The following MRE11 variants were observed in gnomAD, a reference collection of about 807,000 sequenced individuals.
MRE11 encodes the protein double-strand break repair protein MRE11.
Under a neutral mutation model 91.7 loss-of-function variants are expected in MRE11, and 62 were observed. That is an observed-to-expected ratio of 0.68 (90% CI 0.55 to 0.84). MRE11 has a LOEUF of 0.84. MRE11 is among the 40% of genes least tolerant of loss of function. The pLI is 0.00. For missense variants in MRE11, 796 were observed against 852.9 expected, an observed-to-expected ratio of 0.93 and a Z score of 0.83; for synonymous variants, 273 against 271.4, an observed-to-expected ratio of 1.01 and a Z score of -0.06.
chr11:94,469,244 T>C (rs1946645706), intron 9 of MRE11, among the ~76,000 whole-genome samples: 3 of 152,134 alleles, frequency 2.0e-5, no homozygotes, highest in Admixed American at 2.0e-4. Flanking sequence ...ACTTTGCTTC[T>C]CTAAGGACAT....
chr11:94,502,599 AT>A, the MRE11 span, among the ~76,000 whole-genome samples: 1 of 152,240 alleles, frequency 6.6e-6, no homozygotes, highest in Non-Finnish European at 1.5e-5. Context: ...ACTTTTAAAT[AT>A]GCTTGCCATT....
At chr11:94,510,879 A>C in the MRE11 span, among the ~76,000 whole-genome samples, 4 of 152,268 alleles carry the variant, frequency 2.6e-5, no homozygotes, top group Non-Finnish European at 5.9e-5. Flanking sequence ...ACTCTGTTCA[A>C]ATCAAATCTT....
chr11:94,426,060 A>T (rs1197838284), intron 19 of MRE11, among the ~76,000 whole-genome samples: 2 of 152,222 alleles, frequency 1.3e-5, no homozygotes, highest in Non-Finnish European at 2.9e-5. Flanking sequence ...ATATTCTAAG[A>T]TAGATCACGT....
chr11:94,486,122 T>C, intron 3 of MRE11, 38 bp from the exon 4 acceptor site: 2 of 1,608,410 alleles, frequency 1.2e-6, no homozygotes, highest in Non-Finnish European at 1.7e-6. Context: ...TAGTATGTTT[T>C]ACAGGTAAAA....
At chr11:94,506,192 T>C in the MRE11 span, among the ~76,000 whole-genome samples, 2 of 151,954 alleles carry the variant, frequency 1.3e-5, no homozygotes, top group Non-Finnish European at 1.5e-5. Flanking sequence ...TTCAGTTTTT[T>C]TTTTGGGTAA....
chr11:94,421,138 AAAC>A (rs1242432739), intron 19 of MRE11, among the ~76,000 whole-genome samples: 1 of 152,232 alleles, frequency 6.6e-6, no homozygotes, highest in Non-Finnish European at 1.5e-5. Context: ...AAGAGAATGA[AAAC>A]AAACCTCAGA....
intron 11 of MRE11, among the ~76,000 whole-genome samples, chr11:94,461,989 G>C (rs537269441): frequency 1.3e-5 from 2 of 152,088 alleles, no homozygotes; most frequent in Non-Finnish European, 2.9e-5. Context: ...GCAGGAGAAT[G>C]GCGTGAACCT....
intron 11 of MRE11, among the ~76,000 whole-genome samples, chr11:94,462,693 T>C (rs1044470322): frequency 2.0e-5 from 3 of 152,310 alleles, no homozygotes; most frequent in South Asian, 4.2e-4. Context: ...GATTCCCTAT[T>C]TAGTAAATGG....
intron 18 of MRE11, among the ~76,000 whole-genome samples, chr11:94,430,562 C>T (rs2134795302): frequency 6.6e-6 from 1 of 151,600 alleles, no homozygotes; most frequent in East Asian, 1.9e-4. Context: ...CTCACTGCAA[C>T]CTCCACCTCC....
intron 14 of MRE11, among the ~76,000 whole-genome samples, chr11:94,454,888 A>G (rs1238025520): frequency 2.0e-5 from 3 of 152,224 alleles, no homozygotes; most frequent in Admixed American, 6.5e-5. Flanking sequence ...ATTTCTTCCT[A>G]GCATTATTCT....
the MRE11 span, among the ~76,000 whole-genome samples, chr11:94,501,746 G>C: frequency 6.8e-6 from 1 of 146,754 alleles, no homozygotes; most frequent in African/African-American, 2.4e-5. Context: ...TGCCACCTGT[G>C]GGTCACTTTG....
At chr11:94,489,595 G>A (rs1947233598) in intron 3 of MRE11, among the ~76,000 whole-genome samples, 1 of 152,134 alleles carries the variant, frequency 6.6e-6, no homozygotes, top group African/African-American at 2.4e-5. Context: ...TTTGGACTAA[G>A]TTTATTAGTG....
chr11:94,463,189 A>G (rs1946467374), intron 11 of MRE11, among the ~76,000 whole-genome samples: 1 of 152,244 alleles, frequency 6.6e-6, no homozygotes, highest in Admixed American at 6.5e-5. Context: ...AATGCTCATC[A>G]TCACTGCCCG....
At chr11:94,432,057 A>C (rs1201346931) in intron 18 of MRE11, among the ~76,000 whole-genome samples, 3 of 152,142 alleles carry the variant, frequency 2.0e-5, no homozygotes, top group Non-Finnish European at 4.4e-5. Context: ...AGGGGCCCTT[A>C]CTTCCTTCCA....
Position 94,476,291 on chromosome 11 carries a change from G to A in MRE11, c.657C>T (p.Asn219=), listed in dbSNP as rs775017362. Residue 219 remains asparagine (N), a splice_region_variant and synonymous_variant, in exon 7 of 20, where the codon AAC becomes AAT. Coordinates refer to ENST00000323929, the MANE Select transcript of MRE11 (RefSeq NM_005591.4). ...ACTTTTTCAGAGAAAAGTTTTACCT[G>A]TTCTGATGAATCACAAATAAGTTAA... is the stretch of plus-strand genomic sequence containing the variant. The part of the protein sequence containing the change: ...SWFNLFVIHQ[N]RSKHGSTNFI... The A allele has an allele frequency of 6.2e-7, 1 of 1,604,054 alleles. No individual in the cohort carries two copies. Among genetic ancestry groups the A allele is most frequent in the Non-Finnish European group, 8.5e-7 (1 of 1,171,104 alleles).
the MRE11 span, among the ~76,000 whole-genome samples, chr11:94,501,562 A>ATT: frequency 6.6e-6 from 1 of 152,174 alleles, no homozygotes; most frequent in Non-Finnish European, 1.5e-5. Flanking sequence ...TACAGGGTGT[A>ATT]TTTTACAGCA....
rs1372278264 is a variant in MRE11, at chr11:94,418,748, A to G, written c.*1377T>C. 1 of 232,366 alleles carries G rather than the reference A, an allele frequency of 4.3e-6. No homozygotes were observed. The highest frequency in any genetic ancestry group is 5.6e-5 in the Admixed American group (1 of 17,736). The allele number at this position is 232,366 out of a possible 1,614,324, so 14.4% of individuals were successfully genotyped here. On this transcript the variant is annotated 3_prime_UTR_variant, in exon 20 of 20. Transcript: ENST00000323929. ...ACAGGACAATGCCTTCCACTGAGTTAATGTTACTTGCTCAAATAACCCTTA... is the reference window on the plus strand; with the variant it reads ...ACAGGACAATGCCTTCCACTGAGTTGATGTTACTTGCTCAAATAACCCTTA...
At chr11:94,476,525 T>A (rs1946862605) in intron 6 of MRE11, 122 bp from the exon 7 acceptor site, 1 of 686,678 alleles carries the variant, frequency 1.5e-6, no homozygotes, top group Non-Finnish European at 2.5e-6. Flanking sequence ...GAGATATATT[T>A]GAATTCTGGA....
At chr11:94,496,558 G>C (rs1045495664), upstream of MRE11, 3 of 787,638 alleles carry the variant, frequency 3.8e-6, no homozygotes, top group East Asian at 7.8e-5. Context: ...AGTTGATAAA[G>C]CCTGAATTAT....
Sources: allele counts gnomAD v4.1 joint callset (sites outside exome capture counted in the v4.1 genomes callset), GRCh38; gene constraint gnomAD v4.1.1; transcripts MANE v1.5; gene names NCBI Gene and HGNC (gene_info 2026-07-23, HGNC 2026-07-21).